Variants in CEMIP2 observed in about 807,000 individuals in gnomAD.
The protein encoded by CEMIP2 is cell surface hyaluronidase CEMIP2.
CEMIP2 carries 79 observed loss-of-function variants against 146.9 expected under a neutral mutation model. That is an observed-to-expected ratio of 0.54 (90% CI 0.45 to 0.65). CEMIP2 has a LOEUF of 0.65. Among genes scored for constraint, CEMIP2 ranks in the 30% least tolerant of loss-of-function variants. CEMIP2 has a pLI of 0.00. For synonymous variants in CEMIP2, 601 were observed against 606.3 expected, an observed-to-expected ratio of 0.99 and a Z score of 0.13; for missense variants, 1,596 against 1,696.2, an observed-to-expected ratio of 0.94 and a Z score of 1.04.
chr9:71,728,221 C>A (rs867081710), intron 10 of CEMIP2, among the ~76,000 whole-genome samples: 276 of 27,288 alleles, frequency 0.01, 18 homozygotes, highest in East Asian at 0.026. Context: ...CTCTCTCTCT[C>A]TCTCTCTCTC....
intron 10 of CEMIP2, among the ~76,000 whole-genome samples, chr9:71,729,038 C>T (rs1367174462): frequency 6.6e-6 from 1 of 151,430 alleles, no homozygotes; most frequent in Admixed American, 6.6e-5. Flanking sequence ...TTGGGTTTCG[C>T]CATGTTGCCC....
intron 4 of CEMIP2, among the ~76,000 whole-genome samples, chr9:71,742,463 C>G (rs983630512): frequency 6.6e-6 from 1 of 152,094 alleles, no homozygotes; most frequent in African/African-American, 2.4e-5. Context: ...AATTTCAGCG[C>G]ACCAGAACAT....
chr9:71,730,282 T>C lies in CEMIP2; in HGVS notation c.1774-29A>G, dbSNP rs377383092. 1.7e-3 allele frequency: 2,731 copies of C among 1,597,270 alleles called. 69 individuals are homozygous for C. In the South Asian group the frequency reaches 0.028, roughly 17 times the overall value. On this transcript the variant is annotated intron_variant, in intron 8 of 23. Coordinates refer to ENST00000377044, the MANE Select transcript of CEMIP2 (RefSeq NM_013390.3). Reference sequence around the variant, plus strand: ...CAGAAATAAAAGTATATTAATGTCATTGGTAACAAGAATGATTGTGATTTA... The same window carrying C: ...CAGAAATAAAAGTATATTAATGTCACTGGTAACAAGAATGATTGTGATTTA...
chr9:71,740,963 C>CATT (rs144383141), intron 4 of CEMIP2, among the ~76,000 whole-genome samples: 2,440 of 152,196 alleles, frequency 0.016, 66 homozygotes, highest in African/African-American at 0.055. Context: ...GTATTTCTAA[C>CATT]AGGTTACCAC....
At chr9:71,738,376 G>A (rs62549268) in intron 5 of CEMIP2, among the ~76,000 whole-genome samples, 18 of 151,764 alleles carry the variant, frequency 1.2e-4, no homozygotes, top group South Asian at 2.1e-4. Flanking sequence ...TTAGCCAGGC[G>A]TGGTGGCACG....
intron 17 of CEMIP2, among the ~76,000 whole-genome samples, chr9:71,708,187 AAAATAAAT>A (rs375484565): frequency 1.3e-5 from 2 of 152,154 alleles, no homozygotes; most frequent in African/African-American, 4.8e-5. Context: ...CTCCGTCTCA[AAAATAAAT>A]AAATAAATAA....
Position 71,704,599 on chromosome 9 carries a change from T to C in CEMIP2, c.3190A>G (p.Asn1064Asp), listed in dbSNP as rs755791571. ...ATAACAGTAACAGAAACATACTTGT[T>C]GAAGTTGACGAGGTATAGAAATGTA... ...RTTFLYLVNFNKNDWIRVGLC... is the reference protein window; with the variant it reads ...RTTFLYLVNFDKNDWIRVGLC... The change falls in exon 18 of 24, where the codon AAC (asparagine) becomes GAC (aspartate). Residue 1064 changes from asparagine (N) to aspartate (D), a missense_variant. Asn to Asp is a conservative substitution (Grantham distance 23). Transcript: ENST00000377044. 6.2e-7 allele frequency: 1 copy of C among 1,614,042 alleles called. No homozygotes were observed. The highest frequency in any genetic ancestry group is 2.2e-5 in the East Asian group (1 of 44,900).
rs1411377937 is a variant in CEMIP2, at chr9:71,728,276, T to A, written c.2049+1569A>T. On this transcript the variant is annotated intron_variant, in intron 10 of 23. Transcript: ENST00000377044. The stretch of plus-strand genomic sequence containing the variant: ...GTATATACACGTATATATATATATA[T>A]ATATGTATATATATATATATATATA... Among the ~76,000 whole-genome samples the A allele has an allele frequency of 0.012, 114 of 9,748 alleles. 28 individuals are homozygous for A. In the South Asian group the frequency reaches 0.13, roughly 11 times the overall value. 6.4% of individuals were successfully genotyped at this position (9,748 alleles called of 152,430 possible). A position where few individuals can be genotyped will look rare whatever the true frequency, so the allele number is the denominator to read the frequency against.
At chr9:71,728,821 G>GTA (rs1823526984) in intron 10 of CEMIP2, among the ~76,000 whole-genome samples, 2 of 149,438 alleles carry the variant, frequency 1.3e-5, no homozygotes, top group South Asian at 2.2e-4. Flanking sequence ...GTTTTTGTGT[G>GTA]TGTGTGTGTG....
chr9:71,706,909 A>G (rs1822758472), intron 17 of CEMIP2, among the ~76,000 whole-genome samples: 1 of 152,008 alleles, frequency 6.6e-6, no homozygotes, highest in African/African-American at 2.4e-5. Flanking sequence ...GCTCACTGCA[A>G]ACTCTGCCCC....
At chr9:71,727,781 A>C (rs62547018) in intron 10 of CEMIP2, among the ~76,000 whole-genome samples, 10,723 of 152,242 alleles carry the variant, frequency 0.07, 544 homozygotes, top group South Asian at 0.19. Context: ...CATTTAGTGG[A>C]TGGGTACGGT....
At chr9:71,732,205 T>C in intron 7 of CEMIP2, 146 bp downstream of exon 7, 1 of 793,650 alleles carries the variant, frequency 1.3e-6, no homozygotes, top group Non-Finnish European at 1.9e-6. Flanking sequence ...ATTTTAATCA[T>C]CTAAAACCTC....
At chr9:71,753,413 A>G (rs1440418415) in intron 1 of CEMIP2, among the ~76,000 whole-genome samples, 1 of 152,226 alleles carries the variant, frequency 6.6e-6, no homozygotes, top group Non-Finnish European at 1.5e-5. Flanking sequence ...ATGGATCCCA[A>G]CATGAAAATT....
At chr9:71,754,652 A>C (rs574701224) in intron 1 of CEMIP2, among the ~76,000 whole-genome samples, 1 of 152,328 alleles carries the variant, frequency 6.6e-6, no homozygotes, top group African/African-American at 2.4e-5. Flanking sequence ...AAAATTGGCA[A>C]TGTACTCTAC....
chr9:71,744,740 C>G (rs750282198), intron 4 of CEMIP2, among the ~76,000 whole-genome samples: 13 of 152,150 alleles, frequency 8.5e-5, no homozygotes, highest in Non-Finnish European at 1.8e-4. Flanking sequence ...CCTTAAACTG[C>G]CTGACTGTTT....
intron 20 of CEMIP2, among the ~76,000 whole-genome samples, chr9:71,696,665 G>A (rs1822412598): frequency 1.3e-5 from 2 of 152,048 alleles, no homozygotes; most frequent in South Asian, 4.1e-4. Flanking sequence ...CAGCTTCTCA[G>A]GAGGCTGAGG....
At chr9:71,763,106 T>C (rs946180335) in intron 1 of CEMIP2, among the ~76,000 whole-genome samples, 1 of 151,938 alleles carries the variant, frequency 6.6e-6, no homozygotes, top group Non-Finnish European at 1.5e-5. Flanking sequence ...TTCTAATTCC[T>C]CCTGAAACAG....
At chr9:71,695,466 G>A (rs554062709) in intron 20 of CEMIP2, among the ~76,000 whole-genome samples, 5 of 152,106 alleles carry the variant, frequency 3.3e-5, no homozygotes, top group East Asian at 1.9e-4. Context: ...CCTTAGGTCC[G>A]GAGTTCAAGA....
chr9:71,696,854 T>A (rs1281205664), intron 20 of CEMIP2, among the ~76,000 whole-genome samples: 1 of 151,286 alleles, frequency 6.6e-6, no homozygotes, highest in Non-Finnish European at 1.5e-5. Context: ...TTCTTCCTGG[T>A]CTTACTGCCA....
Sources: gnomAD v4.1 joint callset for allele counts (sites outside exome capture counted in the v4.1 genomes callset) on GRCh38, gnomAD v4.1.1 for gene constraint, MANE v1.5 for transcripts, NCBI Gene and HGNC (gene_info 2026-07-23, HGNC 2026-07-21) for gene names.